The following FMN1 variants were observed in gnomAD, a reference collection of about 807,000 sequenced individuals.
FMN1 encodes formin-1.
A neutral mutation model predicts 132.4 loss-of-function variants in FMN1; 110 were observed. That is an observed-to-expected ratio of 0.83 (90% CI 0.71 to 0.97). FMN1 has a LOEUF of 0.97. Among genes scored for constraint, FMN1 ranks in the 50% least tolerant of loss-of-function variants. The probability of loss-of-function intolerance (pLI) is 0.00; values close to 1 mark genes in which losing one functional copy is unlikely to be tolerated. For synonymous variants in FMN1, 722 were observed against 651.7 expected (o/e 1.11, Z -1.64); for missense variants, 1,792 against 1,705.3 (o/e 1.05, Z -0.90).
At chr15:33,008,121 A>C in intron 6 of FMN1, 46 bp from the exon 7 acceptor site, 1 of 1,475,126 alleles carries the variant, frequency 6.8e-7, no homozygotes, top group South Asian at 1.2e-5. Flanking sequence ...TACAAAATTA[A>C]GCACAAAATT....
chr15:33,141,851 G>A (rs1418028428), intron 4 of FMN1, among the ~76,000 whole-genome samples: 1 of 152,084 alleles, frequency 6.6e-6, no homozygotes, highest in Admixed American at 6.5e-5. Flanking sequence ...GGCAGTTCCT[G>A]GGGAGGCACT....
intron 6 of FMN1, among the ~76,000 whole-genome samples, chr15:33,056,471 C>G (rs11857793): frequency 0.29 from 44,073 of 152,094 alleles, 6,516 homozygotes; most frequent in Non-Finnish European, 0.31. Context: ...AGATTGGTTA[C>G]AGCTCAGTGT....
At chr15:32,862,060 C>G (rs1231038561) in intron 16 of FMN1, among the ~76,000 whole-genome samples, 2 of 152,146 alleles carry the variant, frequency 1.3e-5, no homozygotes, top group Non-Finnish European at 2.9e-5. Context: ...GCCACGCGCC[C>G]CGGAGGCCAG....
chr15:32,916,174 G>C (rs347947), intron 10 of FMN1, among the ~76,000 whole-genome samples: 1 of 152,144 alleles, frequency 6.6e-6, no homozygotes, highest in East Asian at 1.9e-4. Context: ...GCCTGCTTTA[G>C]GGCACATGCA....
chr15:33,045,987 G>C (rs538968755), intron 6 of FMN1, among the ~76,000 whole-genome samples: 1 of 152,032 alleles, frequency 6.6e-6, no homozygotes, highest in Non-Finnish European at 1.5e-5. Context: ...TCTTGATCTG[G>C]CATTTAATTA....
At chr15:32,882,857 C>G (rs889102190) in intron 16 of FMN1, among the ~76,000 whole-genome samples, 8 of 152,214 alleles carry the variant, frequency 5.3e-5, no homozygotes, top group African/African-American at 1.9e-4. Flanking sequence ...GAAACACTTT[C>G]TTAAATTCTC....
chr15:33,048,473 G>C, intron 6 of FMN1, among the ~76,000 whole-genome samples: 1 of 151,516 alleles, frequency 6.6e-6, no homozygotes, highest in African/African-American at 2.4e-5. Context: ...TTCATGAAAG[G>C]ATATTTATGC....
At chr15:32,827,248 T>C (rs370026846) in intron 17 of FMN1, among the ~76,000 whole-genome samples, 3 of 152,296 alleles carry the variant, frequency 2.0e-5, no homozygotes, top group East Asian at 3.9e-4. Context: ...CAGCTTAAAC[T>C]GTCATTTATG....
At chr15:33,020,421 G>GTGGA (rs4041538) in intron 6 of FMN1, among the ~76,000 whole-genome samples, 59,375 of 150,910 alleles carry the variant, frequency 0.39, 12,025 homozygotes, top group Admixed American at 0.48. Flanking sequence ...GCCGAGGTGG[G>GTGGA]TGGATGACTG....
chr15:32,903,655 C>T (rs1440743805), intron 12 of FMN1, among the ~76,000 whole-genome samples: 4 of 152,102 alleles, frequency 2.6e-5, no homozygotes, highest in Non-Finnish European at 5.9e-5. Context: ...ATCAATGCCT[C>T]GGCTCACCAA....
rs551426093 is a variant in FMN1, at chr15:32,914,669, T to A, written c.3227-4134A>T. On this transcript the variant is annotated intron_variant, in intron 10 of 20. Coordinates refer to ENST00000616417, the MANE Select transcript of FMN1 (RefSeq NM_001277313.2). ...AGAATCTATTGTAATGGGCAAGAGG[T>A]AGCAAAAACTTGAATAGTGTGGACA... Among the ~76,000 whole-genome samples the A allele has an allele frequency of 3.2e-4, 49 of 152,314 alleles. No individual in the cohort carries two copies. In the South Asian group the frequency reaches 6.2e-3, roughly 19 times the overall value.
intron 19 of FMN1, among the ~76,000 whole-genome samples, chr15:32,777,780 A>C (rs1465344609): frequency 8.0e-6 from 1 of 125,418 alleles, no homozygotes; most frequent in East Asian, 2.2e-4. Flanking sequence ...TACTATGTAT[A>C]ATACATTTAT....
At chr15:32,801,534 A>G (rs2057479231) in intron 18 of FMN1, among the ~76,000 whole-genome samples, 2 of 152,140 alleles carry the variant, frequency 1.3e-5, no homozygotes, top group South Asian at 4.1e-4. Context: ...TGGGAGGCCG[A>G]GGCGGGTGCA....
chr15:32,927,744 A>G (rs2060998732), intron 9 of FMN1, among the ~76,000 whole-genome samples: 1 of 148,176 alleles, frequency 6.7e-6, no homozygotes, highest in South Asian at 2.1e-4. Context: ...CACTAAGGGA[A>G]AAAAACTCTC....
At chr15:32,858,916 C>T (rs962229679) in intron 16 of FMN1, among the ~76,000 whole-genome samples, 1 of 152,188 alleles carries the variant, frequency 6.6e-6, no homozygotes, top group African/African-American at 2.4e-5. Context: ...ATCCTTCCCA[C>T]TACCATTCTT....
chr15:33,093,760 A>C (rs2038983702), intron 4 of FMN1, among the ~76,000 whole-genome samples: 1 of 152,260 alleles, frequency 6.6e-6, no homozygotes, highest in African/African-American at 2.4e-5. Flanking sequence ...ATGGCAAATC[A>C]AAAAGTAGCA....
intron 17 of FMN1, among the ~76,000 whole-genome samples, chr15:32,843,500 T>C (rs1271624551): frequency 6.6e-6 from 1 of 152,214 alleles, no homozygotes; most frequent in African/African-American, 2.4e-5. Context: ...AAAGAGAATA[T>C]ATTAAAGAGA....
intron 15 of FMN1, among the ~76,000 whole-genome samples, chr15:32,890,147 A>AAC (rs2059992137): frequency 7.7e-6 from 1 of 129,402 alleles, no homozygotes; most frequent in East Asian, 2.4e-4. Flanking sequence ...ATATATATAT[A>AAC]TCAGTTTCTT....
intron 4 of FMN1, among the ~76,000 whole-genome samples, chr15:33,143,508 A>AT (rs1215744635): frequency 1.3e-5 from 2 of 152,132 alleles, no homozygotes; most frequent in African/African-American, 2.4e-5. Context: ...TTGAGGAGAG[A>AT]TTTTTTTAAA....
Sources: allele counts gnomAD v4.1 joint callset (sites outside exome capture counted in the v4.1 genomes callset), GRCh38; gene constraint gnomAD v4.1.1; transcripts MANE v1.5; gene names NCBI Gene and HGNC (gene_info 2026-07-23, HGNC 2026-07-21).